MCPH1: variants seen among roughly 807,000 people sequenced by gnomAD.
MCPH1 encodes microcephalin.
Under a neutral mutation model 84.5 loss-of-function variants are expected in MCPH1, and 104 were observed. That is an observed-to-expected ratio of 1.23 (90% CI 1.05 to 1.45). The LOEUF (loss-of-function observed/expected upper bound fraction) is 1.45, where lower values mean the gene tolerates loss of function less well. Among genes scored for constraint, MCPH1 ranks in the 40% most tolerant of loss-of-function variants. The probability of loss-of-function intolerance (pLI) is 0.00; values close to 1 mark genes in which losing one functional copy is unlikely to be tolerated. For missense variants in MCPH1, 1,498 were observed against 1,005.7 expected, an observed-to-expected ratio of 1.49 and a Z score of -6.62; for synonymous variants, 514 against 366.8, an observed-to-expected ratio of 1.40 and a Z score of -4.58.
At chr8:6,528,026 G>C (rs1182460594) in intron 12 of MCPH1, among the ~76,000 whole-genome samples, 4 of 151,798 alleles carry the variant, frequency 2.6e-5, no homozygotes, top group Admixed American at 2.6e-4. Flanking sequence ...CTCCCCAGTA[G>C]CTGGGATTAC....
intron 12 of MCPH1, chr8:6,514,766 T>C: frequency 6.2e-7 from 1 of 1,614,016 alleles, no homozygotes; most frequent in Non-Finnish European, 8.5e-7. Context: ...CCAGCTTCCA[T>C]GTCACAGTAG....
intron 3 of MCPH1, among the ~76,000 whole-genome samples, chr8:6,415,384 C>T (rs1012125591): frequency 6.6e-6 from 1 of 151,690 alleles, no homozygotes; most frequent in African/African-American, 2.4e-5. Flanking sequence ...GCCTCCTAGG[C>T]TCAAGTGATT....
intron 13 of MCPH1, chr8:6,626,349 A>T (rs1181340639): frequency 1.0e-6 from 1 of 985,046 alleles, no homozygotes; most frequent in Non-Finnish European, 1.2e-6. Flanking sequence ...AAAGGGCATG[A>T]TTACGTTCCC....
Position 6,445,450 on chromosome 8 carries a change from C to T in MCPH1, c.1728C>T (p.Gly576=), listed in dbSNP as rs41313954. The T allele has an allele frequency of 0.022, 34,790 of 1,614,150 alleles. 1,801 individuals carry two copies. The highest frequency in any genetic ancestry group is 0.2 in the East Asian group (8,914 of 44,876). The part of the protein sequence containing the change: ...TTSKISNSSE[G]EAQSEHEPCF... ...CCAAAATATCAAACTCCTCTGAAGG[C>T]GAAGCCCAGAGTGAACATGAGCCAT... The change falls in exon 8 of 14, where the codon GGC becomes GGT. Residue 576 remains glycine, a synonymous_variant. Coordinates refer to ENST00000344683, the MANE Select transcript of MCPH1 (RefSeq NM_024596.5).
intron 13 of MCPH1, among the ~76,000 whole-genome samples, chr8:6,622,986 G>C (rs1381126074): frequency 6.7e-6 from 1 of 150,010 alleles, no homozygotes; most frequent in Admixed American, 6.6e-5. Flanking sequence ...AACTACAGGT[G>C]CACACCACGA....
chr8:6,558,532 C>T (rs1825016543), intron 12 of MCPH1, among the ~76,000 whole-genome samples: 1 of 152,192 alleles, frequency 6.6e-6, no homozygotes, highest in East Asian at 1.9e-4. Context: ...CAAGTTTCAT[C>T]TACGGTAACT....
chr8:6,472,350 A>G (rs116796905), intron 9 of MCPH1, among the ~76,000 whole-genome samples: 218 of 152,352 alleles, frequency 1.4e-3, no homozygotes, highest in African/African-American at 5.0e-3. Context: ...TAACTTATCA[A>G]TAGTAACACA....
chr8:6,591,552 G>C (rs1361954942), intron 12 of MCPH1, among the ~76,000 whole-genome samples: 2 of 152,230 alleles, frequency 1.3e-5, no homozygotes, highest in Non-Finnish European at 2.9e-5. Flanking sequence ...GTCCTGAAAT[G>C]CAAGAGTATC....
At position 6,475,098 on chromosome 8, in the gene MCPH1, C is replaced by T. The variant is rs551375485; in HGVS notation, c.1936-2496C>T. Among the ~76,000 whole-genome samples the T allele has an allele frequency of 1.8e-4, 27 of 152,308 alleles. 1 individual carries two copies. In the South Asian group the frequency reaches 5.2e-3, roughly 29 times the overall value. ...CTCTTTATTTCTAAGCCAGTCAGAA[C>T]AGAACATCCTTAAGAGCTATCACAT... On this transcript the variant is annotated intron_variant, in intron 9 of 13. Coordinates refer to ENST00000344683, the MANE Select transcript of MCPH1 (RefSeq NM_024596.5).
At chr8:6,414,919 A>C in intron 3 of MCPH1, 36 bp downstream of exon 3, 1 of 1,606,066 alleles carries the variant, frequency 6.2e-7, no homozygotes, top group East Asian at 2.2e-5. Flanking sequence ...TTCCTTAAGT[A>C]TCTAGTATTG....
rs998517014 is a variant in MCPH1 at position 6,514,571 on chromosome 8, C to G, written c.2214+14642C>G. The G allele has an allele frequency of 1.9e-5, 19 of 991,776 alleles. No individual in the cohort carries two copies. In the Admixed American group the frequency reaches 2.6e-4, roughly 14 times the overall value. 61.4% of individuals were successfully genotyped at this position (991,776 alleles called of 1,614,324 possible). ...GAAGCACCAATTTTAAAAACCATGT[C>G]AAAAGTCATTGGTTAGTTTGGGATT... is the stretch of plus-strand genomic sequence containing the variant. On this transcript the variant is annotated intron_variant, in intron 12 of 13. Coordinates refer to ENST00000344683, the MANE Select transcript of MCPH1 (RefSeq NM_024596.5).
rs1461084012 is a variant in MCPH1 at position 6,445,506 on chromosome 8, C to G, written c.1784C>G (p.Ser595Cys). The G allele has an allele frequency of 1.2e-6, 2 of 1,610,024 alleles. No individual in the cohort carries two copies. Among genetic ancestry groups the G allele is most frequent in the Non-Finnish European group, 1.7e-6 (2 of 1,178,756 alleles). ...ATAGTTGACTGTAACATGGAGACGT[C>G]TACAGAAGAGAAGGAAAACTTACCC... ...CFIVDCNMET[S>C]TEEKENLPGG... The change falls in exon 8 of 14, where the codon TCT becomes TGT. Residue 595 changes from serine to cysteine, a missense_variant. Transcript: ENST00000344683.
At chr8:6,598,593 C>T (rs1032651302) in intron 12 of MCPH1, among the ~76,000 whole-genome samples, 2 of 152,208 alleles carry the variant, frequency 1.3e-5, no homozygotes, top group Admixed American at 6.5e-5. Context: ...CCCGAACACC[C>T]AAGGCTTTCC....
intron 11 of MCPH1, among the ~76,000 whole-genome samples, chr8:6,498,591 T>C (rs780543728): frequency 2.6e-5 from 4 of 152,204 alleles, no homozygotes; most frequent in Non-Finnish European, 5.9e-5. Context: ...AGTTGACTTT[T>C]TAATGTGGAT....
intron 3 of MCPH1, among the ~76,000 whole-genome samples, chr8:6,416,024 A>C (rs1317846847): frequency 1.3e-5 from 2 of 152,158 alleles, no homozygotes; most frequent in African/African-American, 4.8e-5. Flanking sequence ...CCTAGGTTAA[A>C]TTTATTCCTA....
rs1016442072 is a variant in MCPH1 at position 6,409,429 on chromosome 8, C to T, written c.114+59C>T. On this transcript the variant is annotated intron_variant, in intron 2 of 13. Transcript: ENST00000344683. ...CAGTCTTCTGATTGGTAAAAAGTTA[C>T]ATTTGCATTTTCTTATTTTGGGAGT... 6 of 1,363,376 alleles carry T rather than the reference C, an allele frequency of 4.4e-6. No homozygotes were observed. In the African/African-American group the frequency reaches 7.1e-5, roughly 16 times the overall value. 84.5% of individuals were successfully genotyped at this position (1,363,376 alleles called of 1,614,324 possible).
intron 12 of MCPH1, among the ~76,000 whole-genome samples, chr8:6,527,897 C>CTTTTTTTTT (rs1343936237): frequency 1.9e-5 from 2 of 105,958 alleles, no homozygotes. Context: ...CCCCACGTCT[C>CTTTTTTTTT]TATTTTTTTT....
At chr8:6,591,027 T>C (rs1327257649) in intron 12 of MCPH1, among the ~76,000 whole-genome samples, 1 of 152,184 alleles carries the variant, frequency 6.6e-6, no homozygotes, top group Non-Finnish European at 1.5e-5. Flanking sequence ...GCCTCCCGAG[T>C]AGCTGGGATT....
intron 13 of MCPH1, among the ~76,000 whole-genome samples, chr8:6,624,570 C>T (rs1305472218): frequency 6.6e-6 from 1 of 152,222 alleles, no homozygotes; most frequent in Non-Finnish European, 1.5e-5. Flanking sequence ...GAATTCCAAT[C>T]TAGTAGCTGC....
Sources: allele counts gnomAD v4.1 joint callset (sites outside exome capture counted in the v4.1 genomes callset), GRCh38; gene constraint gnomAD v4.1.1; transcripts MANE v1.5; gene names NCBI Gene and HGNC (gene_info 2026-07-23, HGNC 2026-07-21).